RBFOX1: variants seen among roughly 807,000 people sequenced by gnomAD.
RBFOX1 encodes the protein RNA binding fox-1 homolog 1, also known as RNA binding protein fox-1 homolog 1.
RBFOX1 carries 8 observed loss-of-function variants against 57.7 expected under a neutral mutation model. The ratio of observed to expected loss-of-function variants is 0.14; its 90% confidence interval spans 0.08 to 0.25. The LOEUF (loss-of-function observed/expected upper bound fraction) is 0.25, where lower values mean the gene tolerates loss of function less well. Ranked by LOEUF, RBFOX1 falls within the 10% of genes least tolerant of loss-of-function variation. The probability of loss-of-function intolerance (pLI) is 1.00; values close to 1 mark genes in which losing one functional copy is unlikely to be tolerated. For synonymous variants in RBFOX1, 326 were observed against 222.4 expected (o/e 1.47, Z -4.15); for missense variants, 611 against 548.5 (o/e 1.11, Z -1.14).
intron 2 of RBFOX1, among the ~76,000 whole-genome samples, chr16:6,613,351 G>A (rs1483399524): frequency 2.0e-5 from 3 of 152,126 alleles, no homozygotes; most frequent in African/African-American, 7.2e-5. Context: ...GGTGGGGGCT[G>A]GTTCTTAGCA....
intron 11 of RBFOX1, among the ~76,000 whole-genome samples, chr16:7,635,381 C>G (rs181772260): frequency 2.6e-5 from 4 of 152,248 alleles, no homozygotes; most frequent in Admixed American, 2.6e-4. Flanking sequence ...TTTTAAATTA[C>G]AATAGTAACA....
chr16:5,641,161 A>G (rs1350464787), intron 3 of RBFOX1, among the ~76,000 whole-genome samples: 1 of 151,900 alleles, frequency 6.6e-6, no homozygotes, highest in African/African-American at 2.4e-5. Flanking sequence ...ACATGCATGT[A>G]CACACATGCA....
intron 1 of RBFOX1, among the ~76,000 whole-genome samples, chr16:6,247,345 C>G (rs979307820): frequency 7.9e-5 from 12 of 152,176 alleles, no homozygotes; most frequent in African/African-American, 2.9e-4. Context: ...TTCTCTTGTT[C>G]AGACTTTGGC....
Position 7,321,501 on chromosome 16 carries a change from T to A in RBFOX1, c.28-196646T>A, listed in dbSNP as rs558325734. On this transcript the variant is annotated intron_variant, in intron 4 of 15. Coordinates refer to ENST00000550418, the MANE Select transcript of RBFOX1 (RefSeq NM_018723.4). ...ACATGAAATACGTGGAAAGGCAGCATAACATGGGATTATGTATGGGGCCAG... is the reference window on the plus strand; with the variant it reads ...ACATGAAATACGTGGAAAGGCAGCAAAACATGGGATTATGTATGGGGCCAG... Among the ~76,000 whole-genome samples the A allele has an allele frequency of 1.2e-3, 178 of 152,262 alleles. 1 individual carries two copies. The highest frequency in any genetic ancestry group is 4.2e-3 in the African/African-American group (174 of 41,534).
intron 4 of RBFOX1, among the ~76,000 whole-genome samples, chr16:7,168,063 A>G (rs532427318): frequency 2.0e-5 from 3 of 152,320 alleles, no homozygotes; most frequent in East Asian, 1.9e-4. Flanking sequence ...AAAACATGAA[A>G]TGTTCCAGAA....
chr16:6,697,996 G>A (rs1351842239), intron 3 of RBFOX1, among the ~76,000 whole-genome samples: 1 of 152,278 alleles, frequency 6.6e-6, no homozygotes, highest in African/African-American at 2.4e-5. Flanking sequence ...TGTCTTAACT[G>A]ATCAAACTTA....
chr16:6,895,486 A>ATATG (rs1231560510), intron 3 of RBFOX1, among the ~76,000 whole-genome samples: 124 of 91,938 alleles, frequency 1.3e-3, no homozygotes, highest in East Asian at 6.6e-3. Context: ...ATATATATAT[A>ATATG]TTTATTCCCC....
chr16:5,868,243 C>T (rs1476524488), intron 4 of RBFOX1, among the ~76,000 whole-genome samples: 1 of 152,174 alleles, frequency 6.6e-6, no homozygotes, highest in African/African-American at 2.4e-5. Flanking sequence ...GAACACTGAC[C>T]CAGGTCCCAG....
chr16:6,516,433 G>T (rs1337770957), intron 2 of RBFOX1, among the ~76,000 whole-genome samples: 1 of 152,146 alleles, frequency 6.6e-6, no homozygotes, highest in East Asian at 1.9e-4. Context: ...ACACTTAGCA[G>T]TATTCAACAG....
chr16:5,255,006 C>T (rs1197826888), intron 1 of RBFOX1, among the ~76,000 whole-genome samples: 1 of 152,202 alleles, frequency 6.6e-6, no homozygotes, highest in Non-Finnish European at 1.5e-5. Context: ...ACCTGCCCAG[C>T]ATGGCAGTAA....
chr16:6,421,513 A>G (rs1379923507), intron 2 of RBFOX1, among the ~76,000 whole-genome samples: 1 of 152,232 alleles, frequency 6.6e-6, no homozygotes, highest in Non-Finnish European at 1.5e-5. Context: ...GTACTTTTTA[A>G]CAAGATTTTC....
At chr16:6,886,991 T>C (rs1165417211) in intron 3 of RBFOX1, among the ~76,000 whole-genome samples, 1 of 152,180 alleles carries the variant, frequency 6.6e-6, no homozygotes, top group Admixed American at 6.5e-5. Flanking sequence ...CTCTTGTTCA[T>C]GATAATTTTT....
intron 4 of RBFOX1, among the ~76,000 whole-genome samples, chr16:7,386,185 C>T (rs917420102): frequency 3.9e-5 from 6 of 152,002 alleles, no homozygotes; most frequent in Non-Finnish European, 5.9e-5. Context: ...TAGGGCAAAG[C>T]GGGTATCTGC....
chr16:5,845,058 ATTC>A (rs1343126526), intron 3 of RBFOX1, among the ~76,000 whole-genome samples: 18 of 116,762 alleles, frequency 1.5e-4, no homozygotes, highest in African/African-American at 6.8e-4. Context: ...ATTACCCGAG[ATTC>A]TTTTTTTTTT....
chr16:5,591,978 G>C (rs912551239), intron 2 of RBFOX1, among the ~76,000 whole-genome samples: 2 of 152,176 alleles, frequency 1.3e-5, no homozygotes, highest in African/African-American at 4.8e-5. Context: ...TTGCCCTAGA[G>C]TCTTATAATT....
At chr16:7,490,572 T>G (rs1422363353) in intron 4 of RBFOX1, among the ~76,000 whole-genome samples, 1 of 152,202 alleles carries the variant, frequency 6.6e-6, no homozygotes, top group Non-Finnish European at 1.5e-5. Context: ...TAAAATAAAT[T>G]CAACTGTGAC....
At chr16:5,708,663 T>A (rs1461946759) in intron 3 of RBFOX1, among the ~76,000 whole-genome samples, 2 of 152,174 alleles carry the variant, frequency 1.3e-5, no homozygotes, top group Non-Finnish European at 2.9e-5. Flanking sequence ...AGATACCTGT[T>A]TACTGCACAA....
chr16:6,940,704 T>G (rs963907721), intron 3 of RBFOX1, among the ~76,000 whole-genome samples: 2 of 151,786 alleles, frequency 1.3e-5, no homozygotes, highest in Non-Finnish European at 1.5e-5. Context: ...TTCACGCCAT[T>G]CTCCTGCCTC....
At chr16:5,971,318 G>A (rs1299420408) in intron 4 of RBFOX1, among the ~76,000 whole-genome samples, 1 of 152,226 alleles carries the variant, frequency 6.6e-6, no homozygotes, top group Non-Finnish European at 1.5e-5. Flanking sequence ...ATGACATCAT[G>A]TGTGGACGTT....
Sources: allele counts gnomAD v4.1 joint callset (sites outside exome capture counted in the v4.1 genomes callset), GRCh38; gene constraint gnomAD v4.1.1; transcripts MANE v1.5; gene names NCBI Gene and HGNC (gene_info 2026-07-23, HGNC 2026-07-21).